The following ITGA9 variants were observed in gnomAD, a reference collection of about 807,000 sequenced individuals.
ITGA9 encodes the protein integrin subunit alpha 9.
A neutral mutation model predicts 127.8 loss-of-function variants in ITGA9; 56 were observed. The ratio of observed to expected loss-of-function variants is 0.44; its 90% confidence interval spans 0.35 to 0.55. ITGA9 has a LOEUF of 0.55. Ranked by LOEUF, ITGA9 falls within the 20% of genes least tolerant of loss-of-function variation. The pLI is 0.00. For synonymous variants in ITGA9, 508 were observed against 514.5 expected (o/e 0.99, Z 0.17); for missense variants, 1,196 against 1,347.1 (o/e 0.89, Z 1.76).
chr3:37,659,662 C>T (rs13077649), intron 17 of ITGA9, among the ~76,000 whole-genome samples: 40,755 of 151,712 alleles, frequency 0.27, 5,529 homozygotes, highest in Admixed American at 0.34. Context: ...TATTACCCAC[C>T]TTCTGAAGCT....
At chr3:37,754,905 C>A (rs1261194947) in intron 23 of ITGA9, among the ~76,000 whole-genome samples, 3 of 152,180 alleles carry the variant, frequency 2.0e-5, no homozygotes, top group African/African-American at 7.2e-5. Flanking sequence ...GCACCTGATA[C>A]ATCACTGACC....
rs948983561 is a variant in ITGA9 at position 37,453,128 on chromosome 3, C to G, written c.185+569C>G. 2.2e-4 allele frequency among the ~76,000 whole-genome samples: 33 copies of G among 151,396 alleles called. 1 individual carries two copies. Among genetic ancestry groups the G allele is most frequent in the African/African-American group, 4.1e-4 (17 of 41,248 alleles). ...CAGAGCCCCGGCGCCCCCCCCCCCC[C>G]CCAGCTCCTACAAGACCCTGGGTGG... On this transcript the variant is annotated intron_variant, in intron 1 of 27. Transcript: ENST00000264741.
At chr3:37,758,428 T>C (rs767711801) in intron 23 of ITGA9, among the ~76,000 whole-genome samples, 9 of 150,516 alleles carry the variant, frequency 6.0e-5, no homozygotes, top group Non-Finnish European at 1.2e-4. Flanking sequence ...GCTAAGTTGG[T>C]TCTCCATGAG....
chr3:37,453,300 A>G (rs1579033903), intron 1 of ITGA9, among the ~76,000 whole-genome samples: 1 of 152,204 alleles, frequency 6.6e-6, no homozygotes, highest in Non-Finnish European at 1.5e-5. Flanking sequence ...GACCTTCACC[A>G]GAAGCCTTAA....
intron 15 of ITGA9, among the ~76,000 whole-genome samples, chr3:37,598,214 G>C (rs1487236043): frequency 6.6e-6 from 1 of 152,060 alleles, no homozygotes; most frequent in African/African-American, 2.4e-5. Context: ...CGCAGGTATA[G>C]AAATAAAAAA....
At chr3:37,548,027 T>C (rs796065559) in intron 15 of ITGA9, among the ~76,000 whole-genome samples, 5 of 152,322 alleles carry the variant, frequency 3.3e-5, no homozygotes, top group African/African-American at 1.2e-4. Context: ...TAAACTTACT[T>C]TTTCTTTTAA....
At chr3:37,590,482 C>T (rs1699804654) in intron 15 of ITGA9, among the ~76,000 whole-genome samples, 1 of 152,184 alleles carries the variant, frequency 6.6e-6, no homozygotes, top group Admixed American at 6.5e-5. Flanking sequence ...TGGGGTTTCA[C>T]AGCTCAGTCC....
At chr3:37,638,244 T>C (rs1700299858) in intron 16 of ITGA9, among the ~76,000 whole-genome samples, 1 of 152,008 alleles carries the variant, frequency 6.6e-6, no homozygotes, top group Non-Finnish European at 1.5e-5. Context: ...ACGTGGGTAA[T>C]AATGAGTAAT....
intron 23 of ITGA9, among the ~76,000 whole-genome samples, chr3:37,755,093 T>C (rs1056753952): frequency 3.3e-5 from 5 of 152,212 alleles, no homozygotes; most frequent in Admixed American, 1.3e-4. Flanking sequence ...CATTTATTGC[T>C]GTCCCAAGGC....
chr3:37,500,453 G>A (rs150745871), intron 5 of ITGA9, among the ~76,000 whole-genome samples: 3 of 152,292 alleles, frequency 2.0e-5, no homozygotes, highest in South Asian at 4.2e-4. Context: ...CCTTTCCGGC[G>A]AGAATCTAGT....
At chr3:37,699,685 A>G (rs1026636291) in intron 18 of ITGA9, among the ~76,000 whole-genome samples, 6 of 152,174 alleles carry the variant, frequency 3.9e-5, no homozygotes, top group African/African-American at 1.4e-4. Flanking sequence ...TTTTTATAAT[A>G]CCTCTAAGGC....
chr3:37,671,092 T>C (rs1700633819), intron 17 of ITGA9, among the ~76,000 whole-genome samples: 3 of 152,248 alleles, frequency 2.0e-5, no homozygotes, highest in Non-Finnish European at 4.4e-5. Context: ...ACCGGGGCTG[T>C]CTTAGGACAT....
At chr3:37,794,565 C>T (rs998055871) in intron 26 of ITGA9, among the ~76,000 whole-genome samples, 8 of 152,212 alleles carry the variant, frequency 5.3e-5, no homozygotes, top group African/African-American at 1.4e-4. Context: ...GAAGACTCCT[C>T]GGGATTCTCC....
At position 37,818,129 on chromosome 3, in the gene ITGA9, T is replaced by A. The variant is rs369126113; in HGVS notation, c.3010-762T>A. 7.4e-5 allele frequency: 11 copies of A among 148,826 alleles called. 2 individuals carry two copies. In the Middle Eastern group the frequency reaches 0.017, roughly 235 times the overall value. 9.2% of individuals were successfully genotyped at this position (148,826 alleles called of 1,614,324 possible). A position where few individuals can be genotyped will look rare whatever the true frequency, so the allele number is the denominator to read the frequency against. The stretch of plus-strand genomic sequence containing the variant: ...CTTGGGGAATGTCAGGTCCCTGGTT[T>A]TTTTCCCCACCGGAATTAATGGTAA... On this transcript the variant is annotated intron_variant, in intron 27 of 27. Transcript: ENST00000264741.
intron 16 of ITGA9, among the ~76,000 whole-genome samples, chr3:37,644,080 T>C (rs1359902422): frequency 6.6e-6 from 1 of 152,090 alleles, no homozygotes; most frequent in Non-Finnish European, 1.5e-5. Context: ...AGTCCTGGGG[T>C]GCAAAAGTCC....
chr3:37,655,244 G>A (rs1307446564), intron 17 of ITGA9, among the ~76,000 whole-genome samples: 1 of 152,116 alleles, frequency 6.6e-6, no homozygotes, highest in African/African-American at 2.4e-5. Flanking sequence ...GGTATTTCTG[G>A]TTCTAAATCC....
In ITGA9 at chr3:37,627,206, C is replaced by A. The variant is rs1014027542; in HGVS notation, c.1690-1981C>A. Among the ~76,000 whole-genome samples the A allele has an allele frequency of 3.4e-4, 52 of 152,192 alleles. 3 individuals carry two copies. The highest frequency in any genetic ancestry group is 1.5e-5 in the Non-Finnish European group (1 of 68,038). ...CTGAATGATTGAATCTATTCCCAGC[C>A]GAATGTTTTCCTGAACACCAGTAAA... On this transcript the variant is annotated intron_variant, in intron 15 of 27. Coordinates refer to ENST00000264741, the MANE Select transcript of ITGA9 (RefSeq NM_002207.3).
At chr3:37,676,946 A>AT (rs958483524) in intron 17 of ITGA9, among the ~76,000 whole-genome samples, 1 of 152,172 alleles carries the variant, frequency 6.6e-6, no homozygotes, top group African/African-American at 2.4e-5. Context: ...TAGGCAGAGC[A>AT]TTTTACAAGC....
At chr3:37,596,038 A>G (rs565707494) in intron 15 of ITGA9, among the ~76,000 whole-genome samples, 1 of 152,342 alleles carries the variant, frequency 6.6e-6, no homozygotes, top group Admixed American at 6.5e-5. Context: ...TGATGAGGAA[A>G]AGCAGACATA....
Sources: gnomAD v4.1 joint callset for allele counts (sites outside exome capture counted in the v4.1 genomes callset) on GRCh38, gnomAD v4.1.1 for gene constraint, MANE v1.5 for transcripts, NCBI Gene and HGNC (gene_info 2026-07-23, HGNC 2026-07-21) for gene names.